NRG3: variants seen among roughly 807,000 people sequenced by gnomAD.
NRG3 encodes neuregulin 3, also known as pro-neuregulin-3, membrane-bound isoform.
A neutral mutation model predicts 66.9 loss-of-function variants in NRG3; 31 were observed. The ratio of observed to expected loss-of-function variants is 0.46; its 90% CI spans 0.35 to 0.63. NRG3 has a LOEUF of 0.63. Ranked by LOEUF, NRG3 falls within the 20% of genes least tolerant of loss-of-function variation. The probability of loss-of-function intolerance (pLI) is 0.00; values close to 1 mark genes in which losing one functional copy is unlikely to be tolerated. For missense variants in NRG3, 910 were observed against 878.9 expected (o/e 1.04, Z -0.45); for synonymous variants, 393 against 359.4 (o/e 1.09, Z -1.06).
intron 2 of NRG3, among the ~76,000 whole-genome samples, chr10:82,737,095 G>A (rs146636194): frequency 3.7e-4 from 57 of 152,216 alleles, no homozygotes; most frequent in Non-Finnish European, 6.8e-4. Flanking sequence ...ACTGTGATAT[G>A]CCTACTTTAT....
chr10:82,304,677 T>G (rs1038862498), intron 1 of NRG3, among the ~76,000 whole-genome samples: 5 of 151,402 alleles, frequency 3.3e-5, no homozygotes, highest in Non-Finnish European at 7.4e-5. Context: ...GTTTTCTTGT[T>G]AGTTGTCAGC....
chr10:82,624,397 C>T (rs149414979), intron 2 of NRG3, among the ~76,000 whole-genome samples: 1 of 151,936 alleles, frequency 6.6e-6, no homozygotes, highest in African/African-American at 2.4e-5. Flanking sequence ...CAAATTTTGC[C>T]TTCCTTCCTT....
chr10:82,551,525 T>C (rs960444799), intron 2 of NRG3, among the ~76,000 whole-genome samples: 1 of 152,066 alleles, frequency 6.6e-6, no homozygotes, highest in Admixed American at 6.6e-5. Flanking sequence ...GTGATTTTTT[T>C]CCTGAGTTGG....
intron 2 of NRG3, among the ~76,000 whole-genome samples, chr10:82,446,187 G>C (rs1158834486): frequency 6.6e-6 from 1 of 152,162 alleles, no homozygotes; most frequent in African/African-American, 2.4e-5. Flanking sequence ...TTCTTTATCT[G>C]CTTTGGCATC....
chr10:82,523,628 A>C (rs1160795433), intron 2 of NRG3, among the ~76,000 whole-genome samples: 1 of 152,036 alleles, frequency 6.6e-6, no homozygotes, highest in East Asian at 1.9e-4. Context: ...TGTACAAGTT[A>C]CCTCTCAGAC....
intron 2 of NRG3, among the ~76,000 whole-genome samples, chr10:82,621,802 AT>A (rs1459116497): frequency 1.3e-5 from 2 of 152,170 alleles, no homozygotes; most frequent in African/African-American, 4.8e-5. Flanking sequence ...CGAGTTCTAC[AT>A]TTTCACAGCT....
chr10:81,897,714 A>C (rs1843653792), intron 1 of NRG3, among the ~76,000 whole-genome samples: 1 of 152,104 alleles, frequency 6.6e-6, no homozygotes, highest in South Asian at 2.1e-4. Flanking sequence ...ATTGTGTGGA[A>C]GGGAGGGAAT....
intron 4 of NRG3, among the ~76,000 whole-genome samples, chr10:82,890,883 G>T (rs943375525): frequency 2.6e-5 from 4 of 152,110 alleles, no homozygotes; most frequent in African/African-American, 9.7e-5. Context: ...TCCCCTAAAT[G>T]AGAATTTGGA....
At chr10:81,946,048 G>A (rs1848815559) in intron 1 of NRG3, among the ~76,000 whole-genome samples, 1 of 152,074 alleles carries the variant, frequency 6.6e-6, no homozygotes, top group Non-Finnish European at 1.5e-5. Context: ...GCGGAGTCTT[G>A]CTTTGTCGTC....
chr10:82,893,843 T>A (rs1843402411), intron 4 of NRG3, among the ~76,000 whole-genome samples: 1 of 151,650 alleles, frequency 6.6e-6, no homozygotes, highest in Non-Finnish European at 1.5e-5. Context: ...ACCAAAAAAG[T>A]TAGAAAAAAT....
chr10:82,650,844 A>AG (rs199914699), intron 2 of NRG3, among the ~76,000 whole-genome samples: 1 of 152,210 alleles, frequency 6.6e-6, no homozygotes, highest in Non-Finnish European at 1.5e-5. Flanking sequence ...AGCAGATGCC[A>AG]GGGCCCCACC....
intron 2 of NRG3, among the ~76,000 whole-genome samples, chr10:82,683,930 A>T (rs1287776447): frequency 1.3e-5 from 2 of 152,194 alleles, no homozygotes; most frequent in Non-Finnish European, 2.9e-5. Flanking sequence ...TTTTATGGAA[A>T]AAAGCCCTGA....
chr10:82,793,246 T>C (rs970445581), intron 3 of NRG3, among the ~76,000 whole-genome samples: 2 of 152,140 alleles, frequency 1.3e-5, no homozygotes, highest in African/African-American at 4.8e-5. Context: ...CTGGCTCATT[T>C]TTGAGTGGGA....
intron 4 of NRG3, among the ~76,000 whole-genome samples, chr10:82,882,653 G>C (rs554353259): frequency 6.6e-6 from 1 of 152,116 alleles, no homozygotes; most frequent in Non-Finnish European, 1.5e-5. Flanking sequence ...TATCTTATTT[G>C]TCAGGAGTTA....
intron 2 of NRG3, among the ~76,000 whole-genome samples, chr10:82,438,058 A>G (rs2090237569): frequency 6.6e-6 from 1 of 152,188 alleles, no homozygotes; most frequent in South Asian, 2.1e-4. Context: ...CCCATTTTAC[A>G]AAACACTTTG....
intron 1 of NRG3, among the ~76,000 whole-genome samples, chr10:82,239,551 T>C (rs139064596): frequency 6.6e-6 from 1 of 152,352 alleles, no homozygotes; most frequent in Non-Finnish European, 1.5e-5. Flanking sequence ...GTTGTTTTAA[T>C]TTATCTGATT....
At chr10:81,891,080 C>T (rs982011140) in intron 1 of NRG3, among the ~76,000 whole-genome samples, 3 of 152,188 alleles carry the variant, frequency 2.0e-5, no homozygotes, top group African/African-American at 7.2e-5. Context: ...TTTCTTTTCA[C>T]TGCTGAGTTG....
intron 2 of NRG3, among the ~76,000 whole-genome samples, chr10:82,580,910 TGTGTGTGTG>T (rs2046321249): frequency 7.9e-6 from 1 of 127,214 alleles, no homozygotes; most frequent in South Asian, 2.6e-4. Context: ...TTTGTGTGTG[TGTGTGTGTG>T]TGTGTGTGTG....
intron 1 of NRG3, among the ~76,000 whole-genome samples, chr10:82,299,865 C>T (rs2080292703): frequency 6.6e-6 from 1 of 152,110 alleles, no homozygotes; most frequent in African/African-American, 2.4e-5. Flanking sequence ...TTTTAGATGA[C>T]TTTTTATCTG....
Sources: allele counts gnomAD v4.1 joint callset (sites outside exome capture counted in the v4.1 genomes callset), GRCh38; gene constraint gnomAD v4.1.1; transcripts MANE v1.5; gene names NCBI Gene and HGNC (gene_info 2026-07-23, HGNC 2026-07-21).